The following EP400 variants were observed in gnomAD, a reference collection of about 807,000 sequenced individuals.
EP400 encodes E1A-binding protein p400.
Under a neutral mutation model 354.1 loss-of-function variants are expected in EP400, and 105 were observed. That is an observed-to-expected ratio of 0.30 (90% confidence interval 0.25 to 0.35). EP400 has a LOEUF of 0.35. EP400 is among the 10% of genes least tolerant of loss of function. EP400 has a pLI of 1.00. For synonymous variants in EP400, 1,646 were observed against 1,716.9 expected (o/e 0.96, Z 1.02); for missense variants, 3,280 against 4,121.0 (o/e 0.80, Z 5.59).
At chr12:132,011,453 A>G (rs1190688130) in intron 15 of EP400, 45 bp from the exon 16 acceptor site, 4 of 1,609,584 alleles carry the variant, frequency 2.5e-6, no homozygotes, top group Admixed American at 3.4e-5. Flanking sequence ...GTGCCTGGAC[A>G]TGACAGATAC....
intron 45 of EP400, among the ~76,000 whole-genome samples, chr12:132,057,544 T>C (rs1267410848): frequency 6.6e-6 from 1 of 152,224 alleles, no homozygotes; most frequent in Non-Finnish European, 1.5e-5. Flanking sequence ...AGCTACGTGA[T>C]GATAATGTGT....
intron 7 of EP400, 82 bp downstream of exon 7, chr12:131,987,972 C>A: frequency 4.1e-5 from 37 of 895,504 alleles, no homozygotes; most frequent in Non-Finnish European, 5.2e-5. Flanking sequence ...GTGGGGAGGT[C>A]TCCAGACCCA....
Position 132,020,116 on chromosome 12 carries a change from C to A in EP400, c.4345C>A (p.Pro1449Thr), listed in dbSNP as rs1294618848. 2 of 1,610,356 alleles carry A rather than the reference C, an allele frequency of 1.2e-6. No individual in the cohort carries two copies. Among genetic ancestry groups the A allele is most frequent in the Non-Finnish European group, 1.7e-6 (2 of 1,178,558 alleles). Reference sequence around the variant, plus strand: ...CACCGTGGCTTTCCCCAGCACTCACCCGCCCCGGACGGCAGCCCCCACCAC... The same window carrying A: ...CACCGTGGCTTTCCCCAGCACTCACACGCCCCGGACGGCAGCCCCCACCAC... ...GRTVAFPSTH[P>T]PRTAAPTTAS... The change falls in exon 22 of 53, where the codon CCG (proline) becomes ACG (threonine). Residue 1449 changes from proline to threonine, a missense_variant. Around this residue, in one of 20 missense-constraint regions of EP400, gnomAD observed 342 missense variants for 342.7 expected, o/e 1.00. Coordinates refer to ENST00000389561, the MANE Select transcript of EP400 (RefSeq NM_015409.5).
At chr12:131,962,756 C>CTG (rs1475435424) in intron 2 of EP400, among the ~76,000 whole-genome samples, 1 of 152,188 alleles carries the variant, frequency 6.6e-6, no homozygotes, top group Non-Finnish European at 1.5e-5. Context: ...GTGAATTGGA[C>CTG]TGTGACACAC....
At chr12:131,988,035 TC>T in intron 7 of EP400, 145 bp downstream of exon 7, 1 of 740,968 alleles carries the variant, frequency 1.3e-6, no homozygotes, top group Non-Finnish European at 1.9e-6. Context: ...TGCTCTGTTG[TC>T]CAGGCTGGAA....
intron 45 of EP400, among the ~76,000 whole-genome samples, chr12:132,059,981 C>G (rs928916908): frequency 6.6e-6 from 1 of 151,612 alleles, no homozygotes. Context: ...CAAGATCACA[C>G]CATTGCTCTC....
intron 6 of EP400, among the ~76,000 whole-genome samples, chr12:131,987,471 C>T (rs1892890625): frequency 6.6e-6 from 1 of 152,150 alleles, no homozygotes; most frequent in Non-Finnish European, 1.5e-5. Context: ...ACTATTGCTC[C>T]AGCTTCTTCT....
intron 30 of EP400, among the ~76,000 whole-genome samples, chr12:132,036,744 T>C (rs182284775): frequency 4.5e-4 from 69 of 152,368 alleles, no homozygotes; most frequent in Non-Finnish European, 8.8e-4. Context: ...AAATAATTTA[T>C]GATGAGCATG....
At chr12:132,035,273 T>C (rs1014434563) in intron 30 of EP400, among the ~76,000 whole-genome samples, 2 of 152,148 alleles carry the variant, frequency 1.3e-5, no homozygotes, top group Admixed American at 6.5e-5. Flanking sequence ...GACGTCCTCA[T>C]GTTGATGGGG....
At position 131,990,510 on chromosome 12, in the gene EP400, C is replaced by T; in HGVS notation, c.2551-126C>T. 5 of 705,356 alleles carry T rather than the reference C, an allele frequency of 7.1e-6. No homozygotes were observed. In the South Asian group the frequency reaches 9.8e-5, roughly 14 times the overall value. 43.7% of individuals were successfully genotyped at this position (705,356 alleles called of 1,614,324 possible). A position where few individuals can be genotyped will look rare whatever the true frequency, so the allele number is the denominator to read the frequency against. On this transcript the variant is annotated intron_variant, in intron 8 of 52. Coordinates refer to ENST00000389561, the MANE Select transcript of EP400 (RefSeq NM_015409.5). The surrounding 1 kb of genome is among the most constrained non-coding windows in gnomAD (Gnocchi z 4.2). ...TTAGTATGAAATAAATGAAAAAGCACCAAACTGACGAGGCTGGAAAACACT... is the reference window on the plus strand; with the variant it reads ...TTAGTATGAAATAAATGAAAAAGCATCAAACTGACGAGGCTGGAAAACACT...
At chr12:132,049,511 A>G (rs1381369992) in intron 39 of EP400, among the ~76,000 whole-genome samples, 1 of 152,180 alleles carries the variant, frequency 6.6e-6, no homozygotes, top group African/African-American at 2.4e-5. Flanking sequence ...AGACATGTAT[A>G]CATGTACCTG....
intron 4 of EP400, 137 bp downstream of exon 4, chr12:131,981,733 T>C: frequency 1.4e-6 from 1 of 703,940 alleles, no homozygotes; most frequent in Non-Finnish European, 2.4e-6. Context: ...GAGATACTTC[T>C]CTGAGTCCCA....
chr12:132,042,037 C>T (rs374900693), intron 32 of EP400, among the ~76,000 whole-genome samples: 4 of 151,366 alleles, frequency 2.6e-5, no homozygotes, highest in Admixed American at 2.0e-4. Context: ...CTGCAACCTC[C>T]ACCTCCCAGG....
At position 132,064,726 on chromosome 12, in the gene EP400, C is replaced by T. The variant is rs763552366; in HGVS notation, c.8393C>T (p.Pro2798Leu). Residue 2798 changes from proline (P) to leucine (L), a missense_variant, in exon 48 of 53, where the codon CCA (proline) becomes CTA (leucine). Pro to Leu is a moderately conservative substitution (Grantham distance 98). Transcript: ENST00000389561. ...CAGATGCCCCCGCAGCCCCCACCGC[C>T]ACAGGCCCAGTCTGCGCCCCCGCAG... ...KLQMPPQPPPPQAQSAPPQPT... is the reference protein window; with the variant it reads ...KLQMPPQPPPLQAQSAPPQPT... 12 of 1,613,602 alleles carry T rather than the reference C, an allele frequency of 7.4e-6. No homozygotes were observed. The highest frequency in any genetic ancestry group is 1.7e-5 in the Admixed American group (1 of 59,982).
rs760242434 is a variant in EP400 at position 132,017,350 on chromosome 12, G to A, written c.3924-185G>A. The stretch of plus-strand genomic sequence containing the variant: ...GGATGTCATTCTCAATGGGGATGGC[G>A]AACAAGTGCAGAGGGGCCTGCCTGG... On this transcript the variant is annotated intron_variant, in intron 19 of 52. Coordinates refer to ENST00000389561, the MANE Select transcript of EP400 (RefSeq NM_015409.5). The surrounding 1 kb of genome is among the most constrained non-coding windows in gnomAD (Gnocchi z 5.0). Among the ~76,000 whole-genome samples, 12 of 152,206 alleles carry A rather than the reference G, an allele frequency of 7.9e-5. No homozygotes were observed. Among genetic ancestry groups the A allele is most frequent in the South Asian group, 2.1e-4 (1 of 4,832 alleles).
chr12:132,001,774 C>CTT, intron 12 of EP400, among the ~76,000 whole-genome samples: 1 of 152,324 alleles, frequency 6.6e-6, no homozygotes, highest in African/African-American at 2.4e-5. Context: ...CTGGTCACTC[C>CTT]TCACTATGTC....
chr12:132,029,433 G>T lies in EP400; in HGVS notation c.5382-268G>T. The T allele has an allele frequency of 1.9e-6, 1 of 531,302 alleles. No homozygotes were observed. 32.9% of individuals were successfully genotyped at this position (531,302 alleles called of 1,614,324 possible). A position where few individuals can be genotyped will look rare whatever the true frequency, so the allele number is the denominator to read the frequency against. Reference sequence around the variant, plus strand: ...GCTTATCTCTGACCTGGTGCCTGCGGCCTAGGGAATCCACCCCCATTGATC... The same window carrying T: ...GCTTATCTCTGACCTGGTGCCTGCGTCCTAGGGAATCCACCCCCATTGATC... On this transcript the variant is annotated intron_variant, in intron 27 of 52. Coordinates refer to ENST00000389561, the MANE Select transcript of EP400 (RefSeq NM_015409.5). This position sits in a 1 kb window ranked among gnomAD's most constrained non-coding sequence, Gnocchi z 4.7.
chr12:132,014,016 G>A, intron 19 of EP400, 103 bp downstream of exon 19: 2 of 1,505,648 alleles, frequency 1.3e-6, no homozygotes, highest in Non-Finnish European at 1.8e-6. Flanking sequence ...CGCAAGGATT[G>A]GGTGTCTGGA....
At position 131,961,807 on chromosome 12, in the gene EP400, T is replaced by C. The variant is rs1440811445; in HGVS notation, c.1188T>C (p.Phe396=). The C allele has an allele frequency of 1.2e-6, 2 of 1,614,202 alleles. No homozygotes were observed. The highest frequency in any genetic ancestry group is 1.1e-5 in the South Asian group (1 of 91,082). The change falls in exon 2 of 53, where the codon TTT becomes TTC. Residue 396 remains phenylalanine (F), a synonymous_variant. Coordinates refer to ENST00000389561, the MANE Select transcript of EP400 (RefSeq NM_015409.5). ...TTGAACTGTTTTTCTTGCAACACTT[T>C]CAAGGGAACATGATGGATTTCTTAG... ...YLIELFFLQH[F]QGNMMDFLAF...
Sources: allele counts gnomAD v4.1 joint callset (sites outside exome capture counted in the v4.1 genomes callset), GRCh38; gene constraint gnomAD v4.1.1; regional missense constraint gnomAD v4.1.1; non-coding constraint Gnocchi (gnomAD v3.1); transcripts MANE v1.5; gene names NCBI Gene and HGNC (gene_info 2026-07-23, HGNC 2026-07-21).